The following MSR1 variants were observed in gnomAD, a reference collection of about 807,000 sequenced individuals.
The protein encoded by MSR1 is macrophage scavenger receptor 1.
A neutral mutation model predicts 47.2 loss-of-function variants in MSR1; 53 were observed. The observed-to-expected ratio is 1.12, with a 90% CI of 0.90 to 1.41. The LOEUF (loss-of-function observed/expected upper bound fraction) is 1.41. MSR1 is among the 40% of genes most tolerant of loss of function. The pLI, the probability that MSR1 is intolerant of heterozygous loss-of-function variation, is 0.00. For synonymous variants in MSR1, 239 were observed against 185.6 expected (o/e 1.29, Z -2.34); for missense variants, 786 against 546.9 (o/e 1.44, Z -4.36).
At chr8:16,114,913 C>T (rs982220866) in intron 9 of MSR1, among the ~76,000 whole-genome samples, 2 of 152,158 alleles carry the variant, frequency 1.3e-5, no homozygotes, top group African/African-American at 4.8e-5. Flanking sequence ...CACAGTGGCT[C>T]ATGCCTGTAA....
intron 4 of MSR1, 56 bp downstream of exon 4, chr8:16,168,402 C>T (rs972688649): frequency 1.9e-5 from 30 of 1,593,076 alleles, no homozygotes; most frequent in Admixed American, 1.0e-4. Flanking sequence ...CCTAAGGAGA[C>T]GAGACTTGGA....
chr8:16,133,793 T>C (rs1303936708), intron 8 of MSR1, among the ~76,000 whole-genome samples: 1 of 152,172 alleles, frequency 6.6e-6, no homozygotes, highest in Non-Finnish European at 1.5e-5. Flanking sequence ...ACCCCACTTA[T>C]TTAAGATTTC....
intron 2 of MSR1, among the ~76,000 whole-genome samples, chr8:16,176,787 C>G (rs2117206501): frequency 6.6e-6 from 1 of 152,252 alleles, no homozygotes; most frequent in East Asian, 1.9e-4. Context: ...TGTAACAGCC[C>G]TCACTGTTAT....
At chr8:16,145,130 T>A (rs1372684180) in intron 7 of MSR1, among the ~76,000 whole-genome samples, 2 of 152,238 alleles carry the variant, frequency 1.3e-5, no homozygotes, top group East Asian at 3.9e-4. Flanking sequence ...CCATTTTATA[T>A]CAGGTCATAA....
At chr8:16,114,231 A>AT (rs11450060) in intron 9 of MSR1, among the ~76,000 whole-genome samples, 108,856 of 149,804 alleles carry the variant, frequency 0.73, 42,690 homozygotes, top group Non-Finnish European at 0.89. Flanking sequence ...TTACCCTTAC[A>AT]TTTTTTTTTT....
In MSR1 at chr8:16,164,251, C is replaced by T. The variant is rs939251648; in HGVS notation, c.631G>A (p.Glu211Lys). 6.2e-7 allele frequency: 1 copy of T among 1,610,300 alleles called. No homozygotes were observed. The highest frequency in any genetic ancestry group is 1.7e-5 in the Admixed American group (1 of 59,918). Residue 211 changes from glutamate to lysine, a missense_variant and splice_region_variant, in exon 5 of 10, where the codon GAA becomes AAA. By Grantham distance (56) the Glu-to-Lys change is moderately conservative (BLOSUM62 1). Coordinates refer to ENST00000262101, the MANE Select transcript of MSR1 (RefSeq NM_138715.3). ...IQENTFKQQE[E>K]ISKLEERVYN... ...ACACGCTCCTCTAATTTACTGATTT[C>T]CTGTAAAACATAAGTGAGCATTCAC... is the stretch of plus-strand genomic sequence containing the variant.
At chr8:16,172,592 ACT>A (rs1801517367) in intron 3 of MSR1, among the ~76,000 whole-genome samples, 1 of 151,908 alleles carries the variant, frequency 6.6e-6, no homozygotes, top group Admixed American at 6.6e-5. Context: ...GATCATATCT[ACT>A]CTTTCATATT....
At chr8:16,122,840 A>ATTTTTTT (rs1585137942) in intron 8 of MSR1, among the ~76,000 whole-genome samples, 1 of 127,932 alleles carries the variant, frequency 7.8e-6, no homozygotes, top group African/African-American at 3.0e-5. Context: ...CTCTATTCAA[A>ATTTTTTT]TTCTTTTTTT....
chr8:16,137,659 C>T (rs1800424907), intron 8 of MSR1, among the ~76,000 whole-genome samples: 1 of 152,040 alleles, frequency 6.6e-6, no homozygotes, highest in Non-Finnish European at 1.5e-5. Flanking sequence ...AATAGTCCTT[C>T]ACCCAAATGC....
At chr8:16,140,163 C>T (rs994605287) in intron 8 of MSR1, 8 of 984,882 alleles carry the variant, frequency 8.1e-6, no homozygotes, top group Non-Finnish European at 9.6e-6. Context: ...AAAGAACTCT[C>T]ATATTATCAA....
At chr8:16,154,721 C>G (rs1800951975) in intron 6 of MSR1, among the ~76,000 whole-genome samples, 1 of 151,924 alleles carries the variant, frequency 6.6e-6, no homozygotes, top group Non-Finnish European at 1.5e-5. Flanking sequence ...CACATATGAT[C>G]TACGGTTAGG....
At chr8:16,123,922 T>G (rs1405715762) in intron 8 of MSR1, among the ~76,000 whole-genome samples, 1 of 152,168 alleles carries the variant, frequency 6.6e-6, no homozygotes, top group Non-Finnish European at 1.5e-5. Flanking sequence ...TATTATTCTT[T>G]TTTTGTTGCA....
At chr8:16,164,530 T>C (rs1563160646) in intron 4 of MSR1, among the ~76,000 whole-genome samples, 1 of 152,004 alleles carries the variant, frequency 6.6e-6, no homozygotes, top group Non-Finnish European at 1.5e-5. Context: ...TATATAGATG[T>C]CAAAATTCTA....
At position 16,150,140 on chromosome 8, in the gene MSR1, GTATATATA is replaced by G. The variant is rs55913131; in HGVS notation, c.979+83_979+90del. The G allele has an allele frequency of 7.5e-3, 1,339 of 178,122 alleles. 2 individuals are homozygous for G. The highest frequency in any genetic ancestry group is 0.034 in the East Asian group (223 of 6,510). 11.0% of individuals were successfully genotyped at this position (178,122 alleles called of 1,614,324 possible). On this transcript the variant is annotated intron_variant, in intron 7 of 9. Coordinates refer to ENST00000262101, the MANE Select transcript of MSR1 (RefSeq NM_138715.3). Reference sequence around the variant, plus strand: ...TATGTGTGTGTGTATGTGTGTGTGTGTATATATATATATATATATATATATATATATAA... The same window carrying G: ...TATGTGTGTGTGTATGTGTGTGTGTGTATATATATATATATATATATATAA...
intron 3 of MSR1, among the ~76,000 whole-genome samples, chr8:16,173,233 C>A (rs1258047284): frequency 6.6e-6 from 1 of 152,110 alleles, no homozygotes. Flanking sequence ...TTTCTAATAG[C>A]TCGGGGACTT....
chr8:16,187,364 CAAAAAAAAAAAAA>C (rs751848634), intron 1 of MSR1, among the ~76,000 whole-genome samples: 7 of 35,438 alleles, frequency 2.0e-4, no homozygotes, highest in Non-Finnish European at 3.5e-4. Context: ...ACTCTGTCTC[CAAAAAAAAAAAAA>C]AAAAAAAAAA....
At chr8:16,138,862 A>G (rs1800455783) in intron 8 of MSR1, among the ~76,000 whole-genome samples, 1 of 152,188 alleles carries the variant, frequency 6.6e-6, no homozygotes, top group East Asian at 1.9e-4. Flanking sequence ...GGAGATTTTA[A>G]TGTCATGTAG....
chr8:16,145,751 T>C (rs1410053335), intron 7 of MSR1, among the ~76,000 whole-genome samples: 1 of 152,118 alleles, frequency 6.6e-6, no homozygotes, highest in African/African-American at 2.4e-5. Context: ...TTTAACATGA[T>C]TCAGAGATTT....
At chr8:16,148,218 A>C (rs1325265065) in intron 7 of MSR1, among the ~76,000 whole-genome samples, 2 of 152,258 alleles carry the variant, frequency 1.3e-5, no homozygotes, top group Non-Finnish European at 2.9e-5. Context: ...ATGGCATTAT[A>C]GCTAATTGCT....
Sources: allele counts gnomAD v4.1 joint callset (sites outside exome capture counted in the v4.1 genomes callset), GRCh38; gene constraint gnomAD v4.1.1; transcripts MANE v1.5; gene names NCBI Gene and HGNC (gene_info 2026-07-23, HGNC 2026-07-21).